Variants in ACTR10 observed in about 807,000 individuals in gnomAD.
ACTR10 encodes actin related protein 10.
ACTR10 carries 43 observed loss-of-function variants against 56.2 expected under a neutral mutation model. That is an observed-to-expected ratio of 0.77 (90% CI 0.60 to 0.99). The LOEUF (loss-of-function observed/expected upper bound fraction) is 0.99, where lower values mean the gene tolerates loss of function less well. Ranked by LOEUF, ACTR10 falls within the 50% of genes least tolerant of loss-of-function variation. ACTR10 has a pLI of 0.00. For missense variants in ACTR10, 466 were observed against 507.8 expected (o/e 0.92, Z 0.79); for synonymous variants, 170 against 176.3 (o/e 0.96, Z 0.28).
chr14:58,204,233 A>T (rs1888799240), intron 2 of ACTR10, among the ~76,000 whole-genome samples: 1 of 151,674 alleles, frequency 6.6e-6, no homozygotes, highest in Non-Finnish European at 1.5e-5. Context: ...AAAAAAAAAA[A>T]ATTAGCCAGG....
At position 58,209,943 on chromosome 14, in the gene ACTR10, T is replaced by A. The variant is rs372757333; in HGVS notation, c.342+836T>A. On this transcript the variant is annotated intron_variant, in intron 4 of 12. Transcript: ENST00000254286. ...GGTAAAGGCACTTAATATTTCTAAG[T>A]TATATTTTTGTAAAGCAGGTACAGG... 5.3e-5 allele frequency among the ~76,000 whole-genome samples: 8 copies of A among 152,316 alleles called. No homozygotes were observed. The East Asian group carries it at 1.5e-3, about 29-fold the overall frequency.
chr14:58,225,367 T>A (rs1472568383), intron 10 of ACTR10, among the ~76,000 whole-genome samples: 3 of 152,120 alleles, frequency 2.0e-5, no homozygotes, highest in Admixed American at 6.6e-5. Flanking sequence ...TTTATAAAAT[T>A]TATATTATAA....
At chr14:58,215,839 A>ACATTATGTCTTT (rs1382672221) in intron 7 of ACTR10, among the ~76,000 whole-genome samples, 4 of 152,150 alleles carry the variant, frequency 2.6e-5, no homozygotes, top group African/African-American at 4.8e-5. Flanking sequence ...AAAAGTGAAT[A>ACATTATGTCTTT]CATTATGTCT....
chr14:58,218,962 A>C (rs1055919576), intron 7 of ACTR10, among the ~76,000 whole-genome samples: 1 of 152,124 alleles, frequency 6.6e-6, no homozygotes, highest in Non-Finnish European at 1.5e-5. Flanking sequence ...AGCTGGGATT[A>C]CAGGCATGCA....
rs1889637002 is a variant in ACTR10, at chr14:58,234,748, A to G, written c.*197A>G. Reference sequence around the variant, plus strand: ...AGTGGTAAAATGGTAGCTGGTGCTTATTGAGATTTGCTGTATTTATATCAA... The same window carrying G: ...AGTGGTAAAATGGTAGCTGGTGCTTGTTGAGATTTGCTGTATTTATATCAA... On this transcript the variant is annotated 3_prime_UTR_variant, in exon 13 of 13. Coordinates refer to ENST00000254286, the MANE Select transcript of ACTR10 (RefSeq NM_018477.3). The G allele has an allele frequency of 2.6e-6, 1 of 385,002 alleles. No individual in the cohort carries two copies. The highest frequency in any genetic ancestry group is 2.1e-5 in the African/African-American group (1 of 47,134). 23.8% of individuals were successfully genotyped at this position (385,002 alleles called of 1,614,324 possible). A position where few individuals can be genotyped will look rare whatever the true frequency, so the allele number is the denominator to read the frequency against.
intron 12 of ACTR10, among the ~76,000 whole-genome samples, chr14:58,233,353 G>T (rs1368307381): frequency 2.0e-5 from 3 of 152,078 alleles, no homozygotes; most frequent in Non-Finnish European, 2.9e-5. Flanking sequence ...AACAACATGG[G>T]TTTGAATTAT....
At chr14:58,225,623 T>A (rs914233802) in intron 10 of ACTR10, among the ~76,000 whole-genome samples, 1 of 152,128 alleles carries the variant, frequency 6.6e-6, no homozygotes, top group Non-Finnish European at 1.5e-5. Flanking sequence ...TTTTTAAAAT[T>A]TTCTCCTGAT....
At chr14:58,223,295 C>T (rs1262928298) in intron 8 of ACTR10, among the ~76,000 whole-genome samples, 1 of 152,148 alleles carries the variant, frequency 6.6e-6, no homozygotes, top group African/African-American at 2.4e-5. Context: ...CGCCACCACG[C>T]CCGGCTAATT....
chr14:58,232,410 T>TTC (rs1226402128), intron 12 of ACTR10, 143 bp downstream of exon 12: 8 of 451,362 alleles, frequency 1.8e-5, no homozygotes, highest in African/African-American at 1.7e-4. Context: ...TTTTCTTTTT[T>TTC]TTTTTTTTTT....
chr14:58,221,093 C>G (rs1182541289), intron 8 of ACTR10, among the ~76,000 whole-genome samples: 2 of 149,334 alleles, frequency 1.3e-5, no homozygotes, highest in Non-Finnish European at 3.0e-5. Flanking sequence ...ACCATTCTGG[C>G]CAACATGGTG....
At chr14:58,217,484 A>G (rs1385487321) in intron 7 of ACTR10, among the ~76,000 whole-genome samples, 1 of 151,980 alleles carries the variant, frequency 6.6e-6, no homozygotes, top group African/African-American at 2.4e-5. Flanking sequence ...CCTGACCAAT[A>G]TGGTGAAACC....
intron 6 of ACTR10, among the ~76,000 whole-genome samples, chr14:58,214,198 C>G (rs188769373): frequency 7.5e-4 from 114 of 152,258 alleles, no homozygotes; most frequent in African/African-American, 2.7e-3. Flanking sequence ...AGCCATCTTT[C>G]TACTCTCTAT....
At chr14:58,225,800 T>C (rs1019720634) in intron 10 of ACTR10, among the ~76,000 whole-genome samples, 16 of 151,776 alleles carry the variant, frequency 1.1e-4, no homozygotes, top group Non-Finnish European at 1.5e-4. Context: ...GCAGCCTCCT[T>C]CTCCTGGGTT....
chr14:58,221,601 A>G (rs1283924477), intron 8 of ACTR10, among the ~76,000 whole-genome samples: 2 of 152,150 alleles, frequency 1.3e-5, no homozygotes, highest in African/African-American at 4.8e-5. Context: ...CTGTCTCAAA[A>G]GAAAACAAAA....
intron 5 of ACTR10, 151 bp from the exon 6 acceptor site, chr14:58,213,480 T>C: frequency 2.1e-6 from 1 of 477,736 alleles, no homozygotes; most frequent in Non-Finnish European, 3.7e-6. Flanking sequence ...AAAAAAAACT[T>C]ACTCTTTGAT....
At chr14:58,229,937 T>A (rs1225395416) in intron 10 of ACTR10, among the ~76,000 whole-genome samples, 1 of 152,072 alleles carries the variant, frequency 6.6e-6, no homozygotes, top group Non-Finnish European at 1.5e-5. Context: ...AAATGGATAT[T>A]TTATTAAGCA....
At chr14:58,213,435 G>A (rs1889049766) in intron 5 of ACTR10, 196 bp from the exon 6 acceptor site, 2 of 461,212 alleles carry the variant, frequency 4.3e-6, no homozygotes, top group Non-Finnish European at 3.8e-6. Context: ...GTGCTTATGT[G>A]TATTTTTATT....
At chr14:58,208,579 T>C (rs1888921212) in intron 3 of ACTR10, among the ~76,000 whole-genome samples, 1 of 152,038 alleles carries the variant, frequency 6.6e-6, no homozygotes, top group Non-Finnish European at 1.5e-5. Flanking sequence ...TATCGCCAGG[T>C]GCTGTGGCTC....
chr14:58,229,595 G>A (rs929276271), intron 10 of ACTR10, among the ~76,000 whole-genome samples: 8 of 151,134 alleles, frequency 5.3e-5, no homozygotes, highest in African/African-American at 1.7e-4. Context: ...GGAGAATGGC[G>A]TGAATCCAGG....
Sources: allele counts gnomAD v4.1 joint callset (sites outside exome capture counted in the v4.1 genomes callset), GRCh38; gene constraint gnomAD v4.1.1; transcripts MANE v1.5; gene names NCBI Gene and HGNC (gene_info 2026-07-23, HGNC 2026-07-21).